Variants in ANKIB1 observed in about 807,000 individuals in gnomAD.
ANKIB1 encodes ankyrin repeat and IBR domain-containing protein 1.
ANKIB1 carries 43 observed loss-of-function variants against 122.1 expected under a neutral mutation model. The ratio of observed to expected loss-of-function variants is 0.35; its 90% CI spans 0.28 to 0.45. The LOEUF is 0.45. Among genes scored for constraint, ANKIB1 ranks in the 20% least tolerant of loss-of-function variants. The pLI is 1.00. For missense variants in ANKIB1, 992 were observed against 1,329.5 expected (o/e 0.75, Z 3.95); for synonymous variants, 390 against 442.0 (o/e 0.88, Z 1.48).
intron 1 of ANKIB1, among the ~76,000 whole-genome samples, chr7:92,274,363 C>T (rs1369629259): frequency 5.3e-5 from 8 of 151,974 alleles, no homozygotes; most frequent in Admixed American, 3.3e-4. Flanking sequence ...ATGCTTAGGT[C>T]AAAATTAGTT....
intron 11 of ANKIB1, among the ~76,000 whole-genome samples, chr7:92,385,207 G>T (rs550687168): frequency 6.6e-6 from 1 of 152,108 alleles, no homozygotes; most frequent in Non-Finnish European, 1.5e-5. Context: ...TTAGAATGGC[G>T]ATCATTAAAA....
At chr7:92,311,756 A>G (rs1341219009) in intron 3 of ANKIB1, among the ~76,000 whole-genome samples, 1 of 151,804 alleles carries the variant, frequency 6.6e-6, no homozygotes, top group Non-Finnish European at 1.5e-5. Flanking sequence ...TAAAATTAAA[A>G]CCCCTTAATT....
At chr7:92,310,250 C>T (rs1802663578) in intron 3 of ANKIB1, among the ~76,000 whole-genome samples, 1 of 152,010 alleles carries the variant, frequency 6.6e-6, no homozygotes, top group Non-Finnish European at 1.5e-5. Context: ...ACATAAGTCA[C>T]ATCATTTGAT....
chr7:92,350,716 G>A (rs73230436), intron 7 of ANKIB1, among the ~76,000 whole-genome samples: 3,706 of 152,208 alleles, frequency 0.024, 58 homozygotes, highest in Non-Finnish European at 0.039. Flanking sequence ...AATTAGCCCA[G>A]CATAGCAGCA....
At chr7:92,321,866 C>A (rs982621152) in intron 4 of ANKIB1, among the ~76,000 whole-genome samples, 1 of 152,180 alleles carries the variant, frequency 6.6e-6, no homozygotes, top group Non-Finnish European at 1.5e-5. Flanking sequence ...ATTAAGTACA[C>A]ATAGAAAGAC....
At position 92,388,060 on chromosome 7, in the gene ANKIB1, G is replaced by T. The variant is rs1804698438; in HGVS notation, c.1906+19G>T. 1 of 1,544,422 alleles carries T rather than the reference G, an allele frequency of 6.5e-7. No homozygotes were observed. Among genetic ancestry groups the T allele is most frequent in the African/African-American group, 1.4e-5 (1 of 72,852 alleles). ...AAAGAAAGTAAGTTATAAGTTGTAT[G>T]TGTGATAATTAATATAAAATATCTT... On this transcript the variant is annotated intron_variant, in intron 14 of 19. Transcript: ENST00000265742.
intron 5 of ANKIB1, among the ~76,000 whole-genome samples, chr7:92,340,981 T>G (rs1329847639): frequency 6.6e-6 from 1 of 152,150 alleles, no homozygotes; most frequent in Non-Finnish European, 1.5e-5. Context: ...AAGAAACTGG[T>G]AAGGTTCCTC....
rs1039140744 is a variant in ANKIB1, at chr7:92,398,215, C to G, written c.2536C>G (p.Leu846Val). 3.8e-6 allele frequency: 6 copies of G among 1,575,208 alleles called. No individual in the cohort carries two copies. The stretch of plus-strand genomic sequence containing the variant: ...GTTTTGCTTTCTGTTGCTTCAGGCT[C>G]TGAGTTCCTTGGATGAAGACGATCC... ...RSENQDSLQA[L>V]SSLDEDDPNI... Residue 846 changes from leucine to valine, a missense_variant, in exon 20 of 20, where the codon CTG (leucine) becomes GTG (valine). By Grantham distance (32) the Leu-to-Val change is conservative (BLOSUM62 1). Coordinates refer to ENST00000265742, the MANE Select transcript of ANKIB1 (RefSeq NM_019004.2).
rs1804994444 is a variant in ANKIB1 at position 92,400,657 on chromosome 7, A to G, written c.*1708A>G. On this transcript the variant is annotated 3_prime_UTR_variant, in exon 20 of 20. Coordinates refer to ENST00000265742, the MANE Select transcript of ANKIB1 (RefSeq NM_019004.2). ...ATTCATATTGCTAAGACACTGTATT[A>G]GAATATTTAATATTCCCCAGATCCT... The G allele has an allele frequency of 6.6e-6, 1 of 152,138 alleles. No individual in the cohort carries two copies. Among genetic ancestry groups the G allele is most frequent in the South Asian group, 2.1e-4 (1 of 4,830 alleles). The allele number at this position is 152,138 out of a possible 1,614,324, so 9.4% of individuals were successfully genotyped here. A position where few individuals can be genotyped will look rare whatever the true frequency, so the allele number is the denominator to read the frequency against.
intron 3 of ANKIB1, among the ~76,000 whole-genome samples, chr7:92,313,773 C>T (rs143487638): frequency 1.3e-5 from 2 of 152,150 alleles, no homozygotes; most frequent in Non-Finnish European, 2.9e-5. Flanking sequence ...ACATTCTGAA[C>T]GTTTATCTCT....
intron 3 of ANKIB1, among the ~76,000 whole-genome samples, chr7:92,318,952 T>G (rs1017476750): frequency 6.6e-6 from 1 of 152,200 alleles, no homozygotes; most frequent in African/African-American, 2.4e-5. Context: ...AGCAGTGTCC[T>G]TGTTTAAGAA....
rs755532375 is a variant in ANKIB1, at chr7:92,396,411, G to A, written c.2330G>A (p.Arg777Gln). 10 of 1,598,926 alleles carry A rather than the reference G, an allele frequency of 6.3e-6. No individual in the cohort carries two copies. Among genetic ancestry groups the A allele is most frequent in the South Asian group, 2.3e-5 (2 of 87,814 alleles). Residue 777 changes from arginine to glutamine, a missense_variant, in exon 18 of 20, where the codon CGA becomes CAA. This residue lies in a region of ANKIB1 where 384 missense variants were observed against 412.0 expected (regional missense o/e 0.93). Coordinates refer to ENST00000265742, the MANE Select transcript of ANKIB1 (RefSeq NM_019004.2). ...CGGAGGAGGCACAGACAACGTCGTCGAGGAGATGTTCACAGTCTACTCAGT... is the reference window on the plus strand; with the variant it reads ...CGGAGGAGGCACAGACAACGTCGTCAAGGAGATGTTCACAGTCTACTCAGT... ...QYRRRHRQRR[R>Q]GDVHSLLSNP...
At chr7:92,274,895 C>G (rs1292883709) in intron 1 of ANKIB1, among the ~76,000 whole-genome samples, 1 of 152,168 alleles carries the variant, frequency 6.6e-6, no homozygotes, top group Non-Finnish European at 1.5e-5. Context: ...CCACTGCACT[C>G]CAGCCTGCGC....
At chr7:92,280,709 C>T (rs1010061115) in intron 1 of ANKIB1, among the ~76,000 whole-genome samples, 1 of 152,198 alleles carries the variant, frequency 6.6e-6, no homozygotes, top group Non-Finnish European at 1.5e-5. Flanking sequence ...AAGGGATCAG[C>T]AGGTGAACTC....
chr7:92,383,343 A>G (rs1585136871), intron 11 of ANKIB1, among the ~76,000 whole-genome samples: 1 of 152,208 alleles, frequency 6.6e-6, no homozygotes, highest in Admixed American at 6.5e-5. Flanking sequence ...TCCTTCTGAA[A>G]CTATTCCAAT....
chr7:92,338,576 G>A (rs1233577742), intron 5 of ANKIB1, among the ~76,000 whole-genome samples: 1 of 151,906 alleles, frequency 6.6e-6, no homozygotes, highest in East Asian at 1.9e-4. Flanking sequence ...AATAAGGTTA[G>A]GTTTTGGCAT....
At chr7:92,321,333 A>C (rs1400188630) in intron 4 of ANKIB1, among the ~76,000 whole-genome samples, 3 of 152,190 alleles carry the variant, frequency 2.0e-5, no homozygotes, top group African/African-American at 7.2e-5. Flanking sequence ...ACCATTGTGT[A>C]ATAGATCTCA....
At chr7:92,306,556 G>T (rs933315342) in intron 2 of ANKIB1, among the ~76,000 whole-genome samples, 1 of 152,062 alleles carries the variant, frequency 6.6e-6, no homozygotes, top group African/African-American at 2.4e-5. Flanking sequence ...TCAGGAATGG[G>T]AGTAGTGCAC....
chr7:92,347,700 C>A (rs1219444331), intron 7 of ANKIB1, among the ~76,000 whole-genome samples: 1 of 152,132 alleles, frequency 6.6e-6, no homozygotes, highest in Non-Finnish European at 1.5e-5. Flanking sequence ...AGGATAAGAG[C>A]TCAAGTTCTG....
Sources: allele counts gnomAD v4.1 joint callset (sites outside exome capture counted in the v4.1 genomes callset), GRCh38; gene constraint gnomAD v4.1.1; regional missense constraint gnomAD v4.1.1; transcripts MANE v1.5; gene names NCBI Gene and HGNC (gene_info 2026-07-23, HGNC 2026-07-21).